The following FRY variants were observed in gnomAD, a reference collection of about 807,000 sequenced individuals.
The protein encoded by FRY is protein furry homolog.
In FRY, 128 loss-of-function variants were observed where a neutral mutation model predicts 348.4. The ratio of observed to expected loss-of-function variants is 0.37; its 90% CI spans 0.32 to 0.43. The LOEUF is 0.43. Ranked by LOEUF, FRY falls within the 20% of genes least tolerant of loss-of-function variation. The pLI, the probability that FRY is intolerant of heterozygous loss-of-function variation, is 1.00. For missense variants in FRY, 2,736 were observed against 3,695.2 expected, an observed-to-expected ratio of 0.74 and a Z score of 6.73; for synonymous variants, 1,370 against 1,374.7, an observed-to-expected ratio of 1.00 and a Z score of 0.08.
chr13:32,234,274 G>A (rs1886093437), intron 41 of FRY, among the ~76,000 whole-genome samples: 1 of 151,792 alleles, frequency 6.6e-6, no homozygotes, highest in Admixed American at 6.6e-5. Flanking sequence ...ACACAAAAAA[G>A]TATCCAGGCA....
At chr13:32,109,337 C>G (rs1877801583) in intron 3 of FRY, among the ~76,000 whole-genome samples, 2 of 151,738 alleles carry the variant, frequency 1.3e-5, no homozygotes, top group African/African-American at 4.8e-5. Flanking sequence ...ATTCTCAATC[C>G]CAGAAGGAAG....
intron 36 of FRY, among the ~76,000 whole-genome samples, chr13:32,220,021 G>A (rs1194607551): frequency 1.3e-5 from 2 of 152,192 alleles, no homozygotes; most frequent in Non-Finnish European, 2.9e-5. Flanking sequence ...GTATTAATTG[G>A]TCACAAGTTA....
chr13:32,228,479 G>A lies in FRY; in HGVS notation c.5230G>A (p.Asp1744Asn). Residue 1744 changes from aspartate to asparagine, a missense_variant, in exon 40 of 61, where the codon GAC (aspartate) becomes AAC (asparagine). Asp to Asn is a conservative substitution (Grantham distance 23). Around this residue, in one of 9 missense-constraint regions of FRY, gnomAD observed 794 missense variants for 977.0 expected, o/e 0.81. Transcript: ENST00000542859. ...YTGGFDFLRE[D>N]QSSPVPDSGL... is the part of the protein sequence containing the mutation. ...AGGTGGCTTTGACTTCCTGAGAGAG[G>A]ACCAGTCATCCCCGGTGCCTGACTC... is the stretch of plus-strand genomic sequence containing the variant. 6.2e-7 allele frequency: 1 copy of A among 1,612,480 alleles called. No homozygotes were observed. The highest frequency in any genetic ancestry group is 8.5e-7 in the Non-Finnish European group (1 of 1,179,768).
intron 10 of FRY, among the ~76,000 whole-genome samples, chr13:32,135,931 T>C (rs1879687497): frequency 6.6e-6 from 1 of 152,222 alleles, no homozygotes; most frequent in African/African-American, 2.4e-5. Flanking sequence ...GTCTACATTC[T>C]GTGGTCATTG....
chr13:32,068,576 C>G (rs1032162711), intron 1 of FRY, among the ~76,000 whole-genome samples: 3 of 152,200 alleles, frequency 2.0e-5, no homozygotes, highest in African/African-American at 7.2e-5. Flanking sequence ...TGAAGTGTTA[C>G]TGTCATATCT....
rs1878360073 is a variant in FRY at position 32,117,321 on chromosome 13, T to C, written c.325-13T>C. 6.2e-7 allele frequency: 1 copy of C among 1,613,260 alleles called. No homozygotes were observed. Among genetic ancestry groups the C allele is most frequent in the Non-Finnish European group, 8.5e-7 (1 of 1,179,450 alleles). ...GCTACCAGTGTTCTAATCACCTGCA[T>C]TTTCCTCCATAGGTCATCAGCTCAA... On this transcript the variant is annotated splice_polypyrimidine_tract_variant and intron_variant, in intron 3 of 60. Coordinates refer to ENST00000542859, the MANE Select transcript of FRY (RefSeq NM_023037.3).
intron 14 of FRY, among the ~76,000 whole-genome samples, chr13:32,154,752 A>G (rs1159065513): frequency 6.6e-6 from 1 of 152,230 alleles, no homozygotes; most frequent in Non-Finnish European, 1.5e-5. Context: ...TTTTAAAAAT[A>G]TTGGTGTAAA....
At chr13:32,152,753 A>G (rs141101868) in intron 14 of FRY, among the ~76,000 whole-genome samples, 246 of 152,240 alleles carry the variant, frequency 1.6e-3, no homozygotes, top group African/African-American at 5.2e-3. Context: ...ACTATACAAG[A>G]AAAAAGTTGA....
Position 32,237,442 on chromosome 13 carries a change from A to T in FRY, c.5874A>T (p.Gln1958His), listed in dbSNP as rs1481409460. ...KLTASRKSTG[Q>H]LNMNPGTTSG... ...CAGCAAGCAGAAAGAGCACAGGACA[A>T]CTAAACATGAACCCGGGAACCACCA... Residue 1958 changes from glutamine (Q) to histidine (H), a missense_variant, in exon 44 of 61, where the codon CAA (glutamine) becomes CAT (histidine). This residue lies in a region of FRY where 794 missense variants were observed against 977.0 expected (regional missense o/e 0.81). Transcript: ENST00000542859. The surrounding 1 kb of genome is among the most constrained non-coding windows in gnomAD (Gnocchi z 6.3). The T allele has an allele frequency of 6.2e-7, 1 of 1,613,984 alleles. No individual in the cohort carries two copies. The highest frequency in any genetic ancestry group is 1.3e-5 in the African/African-American group (1 of 74,908).
chr13:32,043,737 C>T (rs1489169725), intron 1 of FRY, among the ~76,000 whole-genome samples: 1 of 152,138 alleles, frequency 6.6e-6, no homozygotes, highest in Non-Finnish European at 1.5e-5. Flanking sequence ...GTAGCCCCCA[C>T]CAAAAAATTC....
intron 3 of FRY, among the ~76,000 whole-genome samples, chr13:32,110,315 C>T (rs1358881453): frequency 6.6e-6 from 1 of 152,096 alleles, no homozygotes; most frequent in Non-Finnish European, 1.5e-5. Context: ...CACCATTTTA[C>T]CTTCAAGTGG....
intron 2 of FRY, among the ~76,000 whole-genome samples, chr13:32,092,512 C>A (rs1042732725): frequency 7.0e-4 from 107 of 152,250 alleles, no homozygotes; most frequent in Non-Finnish European, 1.2e-3. Flanking sequence ...TAGATGTGGA[C>A]ACAAGGAGTG....
chr13:32,285,929 T>C (rs1284960358), intron 58 of FRY, among the ~76,000 whole-genome samples: 1 of 152,226 alleles, frequency 6.6e-6, no homozygotes, highest in Admixed American at 6.5e-5. Flanking sequence ...AGTAAACACC[T>C]GAAGCTGTGT....
chr13:32,079,531 A>C (rs536632781), intron 2 of FRY, among the ~76,000 whole-genome samples: 1 of 152,290 alleles, frequency 6.6e-6, no homozygotes, highest in South Asian at 2.1e-4. Context: ...CAGAAATACC[A>C]CTTCCATTTC....
intron 29 of FRY, among the ~76,000 whole-genome samples, chr13:32,200,820 C>G (rs1012102246): frequency 3.3e-5 from 5 of 152,176 alleles, no homozygotes; most frequent in Admixed American, 6.5e-5. Flanking sequence ...CTGTCAGTTA[C>G]CAAATCCTGA....
chr13:32,217,551 T>G lies in FRY; in HGVS notation c.4683-1198T>G, dbSNP rs1244152697. 2.6e-5 allele frequency among the ~76,000 whole-genome samples: 4 copies of G among 152,202 alleles called. 1 individual carries two copies. Among genetic ancestry groups the G allele is most frequent in the Admixed American group, 1.3e-4 (2 of 15,276 alleles). On this transcript the variant is annotated intron_variant, in intron 35 of 60. Transcript: ENST00000542859. ...CAGAGTATTATTATGATGCCCTTTT[T>G]GCAATTGTGGAAATAAGTTCCCCAG...
At chr13:32,053,079 C>A (rs1873431686) in intron 1 of FRY, among the ~76,000 whole-genome samples, 2 of 151,648 alleles carry the variant, frequency 1.3e-5, no homozygotes, top group African/African-American at 2.4e-5. Context: ...CACCACTGCA[C>A]TCCAGCCTGG....
At chr13:32,276,398 C>G in intron 56 of FRY, 66 bp from the exon 57 acceptor site, 1 of 829,814 alleles carries the variant, frequency 1.2e-6, no homozygotes, top group South Asian at 1.3e-5. Context: ...CTTCTGTTTT[C>G]TGTGTAGCCA....
Position 32,124,498 on chromosome 13 carries a change from T to C in FRY, c.556-104T>C, listed in dbSNP as rs1291801174. 15 of 863,582 alleles carry C rather than the reference T, an allele frequency of 1.7e-5. 1 individual carries two copies. Among genetic ancestry groups the C allele is most frequent in the Middle Eastern group, 3.2e-4 (1 of 3,090 alleles). 53.5% of individuals were successfully genotyped at this position (863,582 alleles called of 1,614,324 possible). A position where few individuals can be genotyped will look rare whatever the true frequency, so the allele number is the denominator to read the frequency against. ...TCCAAATACTGGGTTATATGACTTA[T>C]GTTTATTGATTGCTATTGATTGTCA... On this transcript the variant is annotated intron_variant, in intron 5 of 60. Coordinates refer to ENST00000542859, the MANE Select transcript of FRY (RefSeq NM_023037.3).
Sources: gnomAD v4.1 joint callset for allele counts (sites outside exome capture counted in the v4.1 genomes callset) on GRCh38, gnomAD v4.1.1 for gene constraint, gnomAD v4.1.1 regional missense constraint, Gnocchi (gnomAD v3.1) non-coding constraint, MANE v1.5 for transcripts, NCBI Gene and HGNC (gene_info 2026-07-23, HGNC 2026-07-21) for gene names.